The following RNF216 variants were observed in gnomAD, a reference collection of about 807,000 sequenced individuals.
The protein encoded by RNF216 is E3 ubiquitin-protein ligase RNF216.
Under a neutral mutation model 110.8 loss-of-function variants are expected in RNF216, and 72 were observed. That is an observed-to-expected ratio of 0.65 (90% CI 0.54 to 0.79). The LOEUF (loss-of-function observed/expected upper bound fraction) is 0.79. Among genes scored for constraint, RNF216 ranks in the 30% least tolerant of loss-of-function variants. RNF216 has a pLI of 0.00. For missense variants in RNF216, 1,342 were observed against 1,141.2 expected (o/e 1.18, Z -2.54); for synonymous variants, 495 against 407.5 (o/e 1.21, Z -2.59).
At chr7:5,756,369 G>A (rs547402355) in intron 2 of RNF216, among the ~76,000 whole-genome samples, 1 of 152,284 alleles carries the variant, frequency 6.6e-6, no homozygotes, top group African/African-American at 2.4e-5. Flanking sequence ...ATGCTACAAT[G>A]GTATAGCTGA....
intron 8 of RNF216, among the ~76,000 whole-genome samples, chr7:5,723,958 CCTT>C (rs1793601250): frequency 6.6e-6 from 1 of 152,144 alleles, no homozygotes; most frequent in Non-Finnish European, 1.5e-5. Context: ...CTTCCAGGGT[CCTT>C]CAAGATTATC....
In RNF216 at chr7:5,696,326, G is replaced by A. The variant is rs1300348861; in HGVS notation, c.2061+15435C>T. 2.0e-5 allele frequency among the ~76,000 whole-genome samples: 3 copies of A among 152,224 alleles called. No homozygotes were observed. The highest frequency in any genetic ancestry group is 4.8e-5 in the African/African-American group (2 of 41,458). On this transcript the variant is annotated intron_variant, in intron 13 of 16. Coordinates refer to ENST00000389902, the MANE Select transcript of RNF216 (RefSeq NM_207111.4). This position sits in a 1 kb window ranked among gnomAD's most constrained non-coding sequence, Gnocchi z 5.4. ...TCACAGAGAAATTAAGCTGATCTGA[G>A]TGAGAGAAATTAAGCTTATTCGACA...
At chr7:5,625,713 T>TC (rs1786666513) in intron 15 of RNF216, among the ~76,000 whole-genome samples, 1 of 152,242 alleles carries the variant, frequency 6.6e-6, no homozygotes, top group Non-Finnish European at 1.5e-5. Context: ...AGTTTGCTGA[T>TC]TAAACTTCAG....
intron 14 of RNF216, among the ~76,000 whole-genome samples, chr7:5,642,536 C>T (rs946716036): frequency 6.6e-6 from 1 of 150,390 alleles, no homozygotes; most frequent in Non-Finnish European, 1.5e-5. Context: ...AGACTCACTG[C>T]AACCTCCATT....
At chr7:5,653,585 A>G (rs1312368774) in intron 13 of RNF216, among the ~76,000 whole-genome samples, 2 of 132,738 alleles carry the variant, frequency 1.5e-5, no homozygotes, top group Non-Finnish European at 1.6e-5. Flanking sequence ...TGGGCGACAG[A>G]GCAAGACTCT....
At position 5,621,603 on chromosome 7, in the gene RNF216, C is replaced by T. The variant is rs995654972; in HGVS notation, c.*1257G>A. On this transcript the variant is annotated 3_prime_UTR_variant, in exon 17 of 17. Coordinates refer to ENST00000389902, the MANE Select transcript of RNF216 (RefSeq NM_207111.4). ...ACTCCGGAGACTGATGCAGCCCCAC[C>T]CCAATGGTTGTCGGACTCAGCTGTG... is the stretch of plus-strand genomic sequence containing the variant. The T allele has an allele frequency of 6.6e-6, 1 of 152,304 alleles. No individual in the cohort carries two copies. Among genetic ancestry groups the T allele is most frequent in the Non-Finnish European group, 1.5e-5 (1 of 68,116 alleles). 9.4% of individuals were successfully genotyped at this position (152,304 alleles called of 1,614,324 possible).
chr7:5,645,499 C>A (rs1002766716), intron 14 of RNF216, among the ~76,000 whole-genome samples: 9 of 152,172 alleles, frequency 5.9e-5, no homozygotes, highest in Admixed American at 1.3e-4. Context: ...TCTGATTCTT[C>A]TGCCTGCTCA....
intron 1 of RNF216, among the ~76,000 whole-genome samples, chr7:5,779,632 G>A (rs1265418020): frequency 6.7e-6 from 1 of 148,902 alleles, no homozygotes; most frequent in Admixed American, 6.9e-5. Flanking sequence ...CAGGAGTTGG[G>A]CAGCACAGCT....
intron 15 of RNF216, among the ~76,000 whole-genome samples, chr7:5,637,458 G>T (rs890262475): frequency 1.3e-5 from 2 of 152,208 alleles, no homozygotes; most frequent in Admixed American, 1.3e-4. Context: ...AGCTTGTTCC[G>T]TGATAGAACA....
Position 5,620,250 on chromosome 7 carries a change from G to C in RNF216, c.*2610C>G, listed in dbSNP as rs950920260. On this transcript the variant is annotated 3_prime_UTR_variant, in exon 17 of 17. Coordinates refer to ENST00000389902, the MANE Select transcript of RNF216 (RefSeq NM_207111.4). Reference sequence around the variant, plus strand: ...TTTCAGTTTTTAAATATTTTGCTAAGTGCAAATACTAGATTCCTCTCTCCA... The same window carrying C: ...TTTCAGTTTTTAAATATTTTGCTAACTGCAAATACTAGATTCCTCTCTCCA... 6.6e-6 allele frequency: 1 copy of C among 152,188 alleles called. No homozygotes were observed. The highest frequency in any genetic ancestry group is 6.5e-5 in the Admixed American group (1 of 15,272). The allele number at this position is 152,188 out of a possible 1,614,324, so 9.4% of individuals were successfully genotyped here. A position where few individuals can be genotyped will look rare whatever the true frequency, so the allele number is the denominator to read the frequency against.
chr7:5,697,938 G>A (rs942327508), intron 13 of RNF216, among the ~76,000 whole-genome samples: 7 of 152,188 alleles, frequency 4.6e-5, no homozygotes, highest in African/African-American at 1.4e-4. Flanking sequence ...TGTAGTCAAA[G>A]ATAAGAGCGG....
chr7:5,663,485 G>A (rs1429148773), intron 13 of RNF216, among the ~76,000 whole-genome samples: 1 of 151,382 alleles, frequency 6.6e-6, no homozygotes, highest in East Asian at 2.0e-4. Context: ...TCGGGAGGCT[G>A]AGGCAGGAGA....
chr7:5,707,038 TC>T lies in RNF216; in HGVS notation c.2061+4722del, dbSNP rs777420230. On this transcript the variant is annotated intron_variant, in intron 13 of 16. Transcript: ENST00000389902. Reference sequence around the variant, plus strand: ...GCACCATTAATCAGAGACTACCTTTTCCCCCGGTGGGTGTTCTTTGCACCCT... The same window carrying T: ...GCACCATTAATCAGAGACTACCTTTTCCCCGGTGGGTGTTCTTTGCACCCT... 5.9e-5 allele frequency among the ~76,000 whole-genome samples: 9 copies of T among 152,358 alleles called. No homozygotes were observed. The East Asian group carries it at 9.6e-4, about 16-fold the overall frequency.
chr7:5,673,432 A>G (rs935128890), intron 13 of RNF216, among the ~76,000 whole-genome samples: 3 of 152,208 alleles, frequency 2.0e-5, no homozygotes, highest in African/African-American at 7.2e-5. Context: ...CGAGAAGAGA[A>G]GAAGGGGCCA....
intron 13 of RNF216, among the ~76,000 whole-genome samples, chr7:5,660,899 C>T (rs574739341): frequency 1.3e-4 from 19 of 148,874 alleles, no homozygotes; most frequent in Non-Finnish European, 2.1e-4. Context: ...AGGTCTAAAA[C>T]TCCTGCTTTT....
At chr7:5,649,585 A>G (rs1042003058) in intron 14 of RNF216, 20 of 152,152 alleles carry the variant, frequency 1.3e-4, no homozygotes, top group African/African-American at 4.6e-4. Context: ...TATGATAAGG[A>G]AAGGCAAGTT....
At chr7:5,706,620 G>A (rs1002171803) in intron 13 of RNF216, among the ~76,000 whole-genome samples, 4 of 152,144 alleles carry the variant, frequency 2.6e-5, no homozygotes, top group Admixed American at 6.6e-5. Flanking sequence ...ATCTGTTGAC[G>A]AACATGTCAG....
intron 13 of RNF216, among the ~76,000 whole-genome samples, chr7:5,681,982 A>G (rs1790680708): frequency 6.6e-6 from 1 of 152,156 alleles, no homozygotes; most frequent in African/African-American, 2.4e-5. Context: ...ACCTTAGACA[A>G]TGGGTCACAG....
Position 5,745,778 on chromosome 7 carries a change from T to A in RNF216, c.202-3963A>T, listed in dbSNP as rs1275126879. Among the ~76,000 whole-genome samples, 5 of 151,550 alleles carry A rather than the reference T, an allele frequency of 3.3e-5. No homozygotes were observed. The East Asian group carries it at 9.7e-4, about 29-fold the overall frequency. On this transcript the variant is annotated intron_variant, in intron 3 of 16. Transcript: ENST00000389902. ...AGCCGGGTGTGGTGGCACACACCTG[T>A]AATCCCAGCTACTCTCGGGAGGCTG...
Sources: gnomAD v4.1 joint callset for allele counts (sites outside exome capture counted in the v4.1 genomes callset) on GRCh38, gnomAD v4.1.1 for gene constraint, Gnocchi (gnomAD v3.1) non-coding constraint, MANE v1.5 for transcripts, NCBI Gene and HGNC (gene_info 2026-07-23, HGNC 2026-07-21) for gene names.